Variants in STXBP3 observed in about 807,000 individuals in gnomAD.
STXBP3 encodes the protein syntaxin-binding protein 3.
Under a neutral mutation model 85.7 loss-of-function variants are expected in STXBP3, and 41 were observed. The ratio of observed to expected loss-of-function variants is 0.48; its 90% CI spans 0.37 to 0.62. The LOEUF is 0.62. Among genes scored for constraint, STXBP3 ranks in the 20% least tolerant of loss-of-function variants. The probability of loss-of-function intolerance (pLI) is 0.00; values close to 1 mark genes in which losing one functional copy is unlikely to be tolerated. For missense variants in STXBP3, 563 were observed against 703.1 expected (o/e 0.80, Z 2.25); for synonymous variants, 229 against 231.7 (o/e 0.99, Z 0.10).
intron 1 of STXBP3, among the ~76,000 whole-genome samples, chr1:108,749,441 A>C (rs1661859196): frequency 6.6e-6 from 1 of 152,214 alleles, no homozygotes; most frequent in Non-Finnish European, 1.5e-5. Flanking sequence ...ATGGTCTCTG[A>C]GAAGACCAGC....
At chr1:108,803,673 G>A (rs1663274887) in intron 17 of STXBP3, among the ~76,000 whole-genome samples, 1 of 152,104 alleles carries the variant, frequency 6.6e-6, no homozygotes, top group African/African-American at 2.4e-5. Flanking sequence ...ATTTTTAGCA[G>A]AGACAGGGTT....
intron 7 of STXBP3, among the ~76,000 whole-genome samples, chr1:108,774,128 C>G (rs572223161): frequency 3.9e-5 from 6 of 152,032 alleles, no homozygotes; most frequent in African/African-American, 1.4e-4. Context: ...TTGTTTTTGA[C>G]TTCTTTGCAC....
At chr1:108,788,753 C>T (rs1350911855) in intron 11 of STXBP3, among the ~76,000 whole-genome samples, 1 of 151,272 alleles carries the variant, frequency 6.6e-6, no homozygotes, top group Non-Finnish European at 1.5e-5. Flanking sequence ...TTGTTTATTC[C>T]CCTATATATT....
intron 11 of STXBP3, among the ~76,000 whole-genome samples, chr1:108,791,895 T>C (rs1029963132): frequency 3.9e-5 from 6 of 152,186 alleles, no homozygotes; most frequent in African/African-American, 1.4e-4. Context: ...ATGAATGGAG[T>C]AATACACTAT....
rs1663012297 is a variant in STXBP3 at position 108,793,157 on chromosome 1, A to ATTTTGTTTTCTT, written c.964-421_964-420insGTTTTCTTTTTT. ...CTCACAGCCCCAAGCTCTTATCTCC[A>ATTTTGTTTTCTT]TTTTTTTTTTTTTTTTTTTTTTTTT... On this transcript the variant is annotated intron_variant, in intron 11 of 18. Transcript: ENST00000370008. Among the ~76,000 whole-genome samples, 2 of 67,508 alleles carry ATTTTGTTTTCTT rather than the reference A, an allele frequency of 3.0e-5. 1 individual carries two copies. The highest frequency in any genetic ancestry group is 9.3e-4 in the East Asian group (2 of 2,158). The allele number at this position is 67,508 out of a possible 152,430, so 44.3% of individuals were successfully genotyped here. A position where few individuals can be genotyped will look rare whatever the true frequency, so the allele number is the denominator to read the frequency against.
At chr1:108,769,397 G>A (rs1253539892) in intron 6 of STXBP3, among the ~76,000 whole-genome samples, 5 of 152,152 alleles carry the variant, frequency 3.3e-5, no homozygotes, top group Non-Finnish European at 5.9e-5. Flanking sequence ...AGCCCTTGTT[G>A]TTCAAGGGTC....
At chr1:108,782,889 C>T (rs911332499) in intron 11 of STXBP3, among the ~76,000 whole-genome samples, 183 bp downstream of exon 11, 1 of 152,166 alleles carries the variant, frequency 6.6e-6, no homozygotes, top group African/African-American at 2.4e-5. Context: ...TGTCCTGCTT[C>T]ATTAAAATTT....
chr1:108,753,596 A>G (rs1221526104), intron 3 of STXBP3, among the ~76,000 whole-genome samples: 2 of 152,170 alleles, frequency 1.3e-5, no homozygotes, highest in Non-Finnish European at 1.5e-5. Context: ...AATGAGACAA[A>G]TAATTATAAG....
Position 108,750,872 on chromosome 1 carries a change from A to G in STXBP3, c.50-1385A>G, listed in dbSNP as rs190520088. Among the ~76,000 whole-genome samples the G allele has an allele frequency of 5.8e-4, 89 of 152,324 alleles. 2 individuals carry two copies. Among genetic ancestry groups the G allele is most frequent in the South Asian group, 3.3e-3 (16 of 4,832 alleles). ...GCTCACAGAACTTCAGAAAACGCTT[A>G]ACTTACTATTACCAGTTTATTACAA... On this transcript the variant is annotated intron_variant, in intron 1 of 18. Coordinates refer to ENST00000370008, the MANE Select transcript of STXBP3 (RefSeq NM_007269.4).
chr1:108,752,268 A>G lies in STXBP3; in HGVS notation c.61A>G (p.Thr21Ala), dbSNP rs772597401. The G allele has an allele frequency of 1.9e-5, 31 of 1,611,334 alleles. No homozygotes were observed. Among genetic ancestry groups the G allele is most frequent in the Non-Finnish European group, 2.5e-5 (29 of 1,178,586 alleles). The change falls in exon 2 of 19, where the codon ACA becomes GCA. Residue 21 changes from threonine to alanine, a missense_variant. Thr to Ala is a moderately conservative substitution (Grantham distance 58). This residue lies in a region of STXBP3 where 37 missense variants were observed against 39.7 expected (regional missense o/e 0.93). Coordinates refer to ENST00000370008, the MANE Select transcript of STXBP3 (RefSeq NM_007269.4). ...TCTTTTTTAAACAGAGATAAAAGCA[A>G]CAGTGTTTGATGACTGCAAGAAAGA... ...KSVVWQKIKA[T>A]VFDDCKKEGE...
rs1661786056 is a variant in STXBP3, at chr1:108,746,700, G to A, written c.-38G>A. 2 of 1,547,978 alleles carry A rather than the reference G, an allele frequency of 1.3e-6. No homozygotes were observed. The highest frequency in any genetic ancestry group is 1.4e-5 in the African/African-American group (1 of 72,742). Reference sequence around the variant, plus strand: ...CTTCTGCGGCCAAAGTAGGTTGGGAGTGGAAGGTGGTGGCTGCTGCTCCGC... The same window carrying A: ...CTTCTGCGGCCAAAGTAGGTTGGGAATGGAAGGTGGTGGCTGCTGCTCCGC... On this transcript the variant is annotated 5_prime_UTR_variant, in exon 1 of 19. The change creates a new upstream start codon in the 5' untranslated region. Transcript: ENST00000370008.
intron 6 of STXBP3, among the ~76,000 whole-genome samples, chr1:108,771,257 G>C (rs1032742879): frequency 1.3e-5 from 2 of 148,994 alleles, no homozygotes; most frequent in African/African-American, 5.0e-5. Flanking sequence ...GGATGACAGA[G>C]AAAATGAGAT....
chr1:108,778,654 A>T (rs1393578692), intron 8 of STXBP3, among the ~76,000 whole-genome samples: 1 of 149,258 alleles, frequency 6.7e-6, no homozygotes, highest in African/African-American at 2.5e-5. Context: ...AAAATGTCTA[A>T]TATTTAGAGC....
chr1:108,793,530 A>G (rs1457975699), intron 11 of STXBP3, 52 bp from the exon 12 acceptor site: 28 of 1,435,026 alleles, frequency 2.0e-5, no homozygotes, highest in African/African-American at 2.8e-5. Context: ...AAGTTGTAAT[A>G]TGGAATAACT....
intron 13 of STXBP3, 54 bp downstream of exon 13, chr1:108,794,961 T>C: frequency 6.7e-7 from 1 of 1,490,294 alleles, no homozygotes; most frequent in Non-Finnish European, 9.1e-7. Flanking sequence ...AGGATAAACT[T>C]TGTAAGTTAA....
intron 1 of STXBP3, among the ~76,000 whole-genome samples, chr1:108,752,007 C>T (rs978416659): frequency 4.0e-5 from 6 of 151,772 alleles, no homozygotes; most frequent in Non-Finnish European, 4.4e-5. Flanking sequence ...TTTCTCGGTA[C>T]GTTCATGTAC....
At chr1:108,790,126 T>G (rs2101128878) in intron 11 of STXBP3, among the ~76,000 whole-genome samples, 1 of 152,320 alleles carries the variant, frequency 6.6e-6, no homozygotes, top group East Asian at 1.9e-4. Context: ...ATCTTCTATT[T>G]CTTTTCTGAT....
chr1:108,773,951 A>G (rs190586035), intron 7 of STXBP3, among the ~76,000 whole-genome samples: 325 of 152,218 alleles, frequency 2.1e-3, no homozygotes, highest in African/African-American at 7.6e-3. Flanking sequence ...TAACCCTACC[A>G]AGGTCAAAAA....
Position 108,746,765 on chromosome 1 carries a change from C to T in STXBP3, c.28C>T (p.Leu10=). ...GGCGCCGCCGGTGGCAGAGAGGGGGCTAAAGAGCGTCGTGTGGCAGAGTGA... is the reference window on the plus strand; with the variant it reads ...GGCGCCGCCGGTGGCAGAGAGGGGGTTAAAGAGCGTCGTGTGGCAGAGTGA... MAPPVAERG[L]KSVVWQKIKA... is the part of the protein sequence containing the mutation. The change falls in exon 1 of 19, where the codon CTA becomes TTA. Residue 10 remains leucine (L), a synonymous_variant. Transcript: ENST00000370008. 6.5e-7 allele frequency: 1 copy of T among 1,550,230 alleles called. No homozygotes were observed. Among genetic ancestry groups the T allele is most frequent in the Non-Finnish European group, 8.7e-7 (1 of 1,146,456 alleles).
Sources: allele counts gnomAD v4.1 joint callset (sites outside exome capture counted in the v4.1 genomes callset), GRCh38; gene constraint gnomAD v4.1.1; regional missense constraint gnomAD v4.1.1; transcripts MANE v1.5; gene names NCBI Gene and HGNC (gene_info 2026-07-23, HGNC 2026-07-21).